The following RPS15A variants were observed in gnomAD, a reference collection of about 807,000 sequenced individuals.
RPS15A encodes small ribosomal subunit protein uS8.
For synonymous variants in RPS15A, 55 were observed against 58.5 expected, an observed-to-expected ratio of 0.94 and a Z score of 0.27; for missense variants, 62 against 163.4, an observed-to-expected ratio of 0.38 and a Z score of 3.38.
intron 3 of RPS15A, among the ~76,000 whole-genome samples, chr16:18,787,412 T>G (rs1279311061): frequency 2.0e-5 from 3 of 152,178 alleles, no homozygotes; most frequent in Admixed American, 2.0e-4. Context: ...TAAGGCAGGT[T>G]GGACAAGCCT....
chr16:18,788,779 G>C, intron 2 of RPS15A: 1 of 551,174 alleles, frequency 1.8e-6, no homozygotes, highest in Non-Finnish European at 3.2e-6. Flanking sequence ...CAAACACCTA[G>C]CAGAGCTCCT....
At chr16:18,785,119 C>T (rs770002653) in intron 3 of RPS15A, 67 of 276,698 alleles carry the variant, frequency 2.4e-4, no homozygotes, top group Non-Finnish European at 3.8e-4. Context: ...CCAGGATGAT[C>T]AGATTTTACA....
At chr16:18,786,946 C>A (rs1334555634) in intron 3 of RPS15A, among the ~76,000 whole-genome samples, 2 of 152,166 alleles carry the variant, frequency 1.3e-5, no homozygotes, top group Non-Finnish European at 1.5e-5. Context: ...CTCACTGTAA[C>A]CTCCGCCTGC....
intron 3 of RPS15A, among the ~76,000 whole-genome samples, chr16:18,787,820 ACCC>A (rs993909152): frequency 2.0e-5 from 3 of 151,988 alleles, no homozygotes; most frequent in Admixed American, 6.6e-5. Context: ...CGTTGGTTTC[ACCC>A]CCCATCTCTC....
At chr16:18,784,043 A>G (rs189006035) in intron 4 of RPS15A, 1 of 209,048 alleles carries the variant, frequency 4.8e-6, no homozygotes, top group East Asian at 1.2e-4. Flanking sequence ...TGCCAGTCTA[A>G]GCTCTCATGT....
At chr16:18,784,897 C>T in intron 3 of RPS15A, 74 bp from the exon 4 acceptor site, 1 of 1,230,170 alleles carries the variant, frequency 8.1e-7, no homozygotes, top group Non-Finnish European at 1.2e-6. Context: ...CACAAGATGA[C>T]ATTCATAAAT....
chr16:18,787,820 A>AC (rs993909152), intron 3 of RPS15A, among the ~76,000 whole-genome samples: 6 of 151,988 alleles, frequency 3.9e-5, no homozygotes, highest in African/African-American at 7.3e-5. Flanking sequence ...CGTTGGTTTC[A>AC]CCCCCCATCT....
intron 3 of RPS15A, chr16:18,786,802 CT>C (rs942293819): frequency 1.1e-4 from 16 of 152,254 alleles, no homozygotes; most frequent in African/African-American, 3.9e-4. Flanking sequence ...TAAATCAATC[CT>C]ATTTTGAGGT....
At chr16:18,783,273 T>C (rs1903993404) in intron 4 of RPS15A, 171 bp from the exon 5 acceptor site, 1 of 564,096 alleles carries the variant, frequency 1.8e-6, no homozygotes, top group Non-Finnish European at 3.2e-6. Flanking sequence ...GAGCCATGAC[T>C]CCTGCAACCC....
chr16:18,784,583 G>T, intron 4 of RPS15A, 155 bp downstream of exon 4: 1 of 627,840 alleles, frequency 1.6e-6, no homozygotes, highest in East Asian at 2.8e-5. Flanking sequence ...AAAGAAATAT[G>T]GATAACACTT....
intron 4 of RPS15A, 170 bp from the exon 5 acceptor site, chr16:18,783,272 C>T (rs1320066461): frequency 3.5e-6 from 2 of 564,298 alleles, no homozygotes; most frequent in African/African-American, 1.9e-5. Flanking sequence ...TGAGCCATGA[C>T]TCCTGCAACC....
intron 4 of RPS15A, 194 bp from the exon 5 acceptor site, chr16:18,783,296 C>G (rs926876388): frequency 1.8e-6 from 1 of 544,592 alleles, no homozygotes. Context: ...AGAGCCAAAT[C>G]CAGAGAGCCC....
rs570078854 is a variant in RPS15A at position 18,784,627 on chromosome 16, A to G, written c.299+111T>C. The G allele has an allele frequency of 3.0e-4, 233 of 781,388 alleles. 3 individuals are homozygous for G. The highest frequency in any genetic ancestry group is 2.8e-3 in the South Asian group (163 of 58,284). The allele number at this position is 781,388 out of a possible 1,614,324, so 48.4% of individuals were successfully genotyped here. On this transcript the variant is annotated intron_variant, in intron 4 of 4. Transcript: ENST00000322989. ...AGGTCAAAATGGTTAAGAGTAGACA[A>G]ATTACCACTGCTTTGTTTTAAACAG...
chr16:18,789,844 G>A (rs1487910791), intron 1 of RPS15A: 4 of 152,254 alleles, frequency 2.6e-5, no homozygotes, highest in Admixed American at 2.6e-4. Flanking sequence ...CGGCCCAGAA[G>A]ATCCAAGTTG....
rs1903987763 is a variant in RPS15A, at chr16:18,782,908, C to T, written c.*101G>A. On this transcript the variant is annotated 3_prime_UTR_variant, in exon 5 of 5. Coordinates refer to ENST00000322989, the MANE Select transcript of RPS15A (RefSeq NM_001019.5). ...CGATAAACGAAGCAACTGCATGCTG[C>T]CGCAGAAGCTGTGGCTACACTGCTG... 1.5e-6 allele frequency: 1 copy of T among 682,398 alleles called. No homozygotes were observed. The highest frequency in any genetic ancestry group is 2.5e-5 in the Admixed American group (1 of 40,360). The allele number at this position is 682,398 out of a possible 1,614,324, so 42.3% of individuals were successfully genotyped here.
intron 3 of RPS15A, chr16:18,786,047 G>A (rs1904043052): frequency 6.5e-6 from 1 of 153,194 alleles, no homozygotes; most frequent in African/African-American, 2.4e-5. Context: ...AGCGATGGAG[G>A]GGGACGTTCT....
chr16:18,789,053 C>T lies in RPS15A; in HGVS notation c.61G>A (p.Gly21Ser). 5 of 1,614,198 alleles carry T rather than the reference C, an allele frequency of 3.1e-6. No homozygotes were observed. The highest frequency in any genetic ancestry group is 3.4e-6 in the Non-Finnish European group (4 of 1,179,996). Residue 21 changes from glycine to serine, a missense_variant, in exon 2 of 5, where the codon GGC becomes AGC. Physicochemically the swap from Gly to Ser is moderately conservative, Grantham distance 56. Transcript: ENST00000322989. Reference sequence around the variant, plus strand: ...GGCCTAATAAGCACCTGGCGTTTGCCTCTCTTTTCGGCATTGTTGATACTC... The same window carrying T: ...GGCCTAATAAGCACCTGGCGTTTGCTTCTCTTTTCGGCATTGTTGATACTC... ...LKSINNAEKR[G>S]KRQVLIRPCS... is the part of the protein sequence containing the mutation.
In RPS15A at chr16:18,788,189, A is replaced by C. The variant is rs368628322; in HGVS notation, c.134-47T>G. 3.0e-5 allele frequency: 36 copies of C among 1,196,492 alleles called. No homozygotes were observed. The African/African-American group carries it at 4.5e-4, about 15-fold the overall frequency. The allele number at this position is 1,196,492 out of a possible 1,614,324, so 74.1% of individuals were successfully genotyped here. A position where few individuals can be genotyped will look rare whatever the true frequency, so the allele number is the denominator to read the frequency against. On this transcript the variant is annotated intron_variant, in intron 2 of 4. Coordinates refer to ENST00000322989, the MANE Select transcript of RPS15A (RefSeq NM_001019.5). ...ATTAAATAAAAGACATCAACTTGAG[A>C]GCTAAACCTCTGTGCTCTAGCCTAC... is the stretch of plus-strand genomic sequence containing the variant.
At chr16:18,783,339 T>G (rs1042242484) in intron 4 of RPS15A, 1 of 514,630 alleles carries the variant, frequency 1.9e-6, no homozygotes, top group African/African-American at 1.9e-5. Flanking sequence ...GACTTCTGCC[T>G]ACACCATGAA....
Sources: gnomAD v4.1 joint callset for allele counts (sites outside exome capture counted in the v4.1 genomes callset) on GRCh38, gnomAD v4.1.1 for gene constraint, MANE v1.5 for transcripts, NCBI Gene and HGNC (gene_info 2026-07-23, HGNC 2026-07-21) for gene names.